The following RPRD2 variants were observed in gnomAD, a reference collection of about 807,000 sequenced individuals.
RPRD2 encodes the protein regulation of nuclear pre-mRNA domain containing 2.
Under a neutral mutation model 104.4 loss-of-function variants are expected in RPRD2, and 12 were observed. The ratio of observed to expected loss-of-function variants is 0.11; its 90% CI spans 0.07 to 0.19. RPRD2 has a LOEUF of 0.19. Among genes scored for constraint, RPRD2 ranks in the 10% least tolerant of loss-of-function variants. The pLI, the probability that RPRD2 is intolerant of heterozygous loss-of-function variation, is 1.00. For synonymous variants in RPRD2, 714 were observed against 684.9 expected, an observed-to-expected ratio of 1.04 and a Z score of -0.66; for missense variants, 1,543 against 1,790.1, an observed-to-expected ratio of 0.86 and a Z score of 2.49.
chr1:150,405,722 GA>G (rs1553886352), intron 1 of RPRD2, among the ~76,000 whole-genome samples: 2 of 152,104 alleles, frequency 1.3e-5, no homozygotes, highest in Non-Finnish European at 2.9e-5. Context: ...GAAAATTGTA[GA>G]AATAAACAGT....
chr1:150,401,727 G>A (rs1383241045), intron 1 of RPRD2, among the ~76,000 whole-genome samples: 28 of 131,444 alleles, frequency 2.1e-4, no homozygotes, highest in Non-Finnish European at 3.9e-4. Context: ...CACTGCAAAC[G>A]CCGCCTCCTG....
In RPRD2 at chr1:150,390,609, A is replaced by G. The variant is rs192796526; in HGVS notation, c.205+25690A>G. ...TCTTAGACAGTTATGCAAATTTGAA[A>G]AAGAACCAAAGAGAAATGTTAGAAA... is the stretch of plus-strand genomic sequence containing the variant. On this transcript the variant is annotated intron_variant, in intron 1 of 10. Transcript: ENST00000369068. 1.6e-3 allele frequency among the ~76,000 whole-genome samples: 251 copies of G among 152,346 alleles called. 1 individual carries two copies. The highest frequency in any genetic ancestry group is 0.014 in the Middle Eastern group (4 of 294).
chr1:150,435,087 T>G (rs1553892837), intron 2 of RPRD2, among the ~76,000 whole-genome samples: 3 of 152,218 alleles, frequency 2.0e-5, no homozygotes, highest in Non-Finnish European at 4.4e-5. Flanking sequence ...TTTCAAATTT[T>G]TATTGTATCT....
intron 2 of RPRD2, among the ~76,000 whole-genome samples, chr1:150,426,117 A>C (rs1239097402): frequency 6.6e-6 from 1 of 152,098 alleles, no homozygotes; most frequent in Non-Finnish European, 1.5e-5. Context: ...ACAAACAAAC[A>C]AAAAAAGGGA....
chr1:150,472,828 C>A lies in RPRD2; in HGVS notation c.3880C>A (p.Pro1294Thr). Reference protein sequence around the residue: ...GSGVPFSTPPPPPPPVDHSGV... With the variant: ...GSGVPFSTPPTPPPPVDHSGV... ...TGGTGTCCCCTTTTCTACTCCACCC[C>A]CTCCTCCACCCCCTGTTGACCACTC... is the stretch of plus-strand genomic sequence containing the variant. Residue 1294 changes from proline to threonine, a missense_variant, in exon 11 of 11, where the codon CCT (proline) becomes ACT (threonine). Physicochemically the swap from Pro to Thr is conservative, Grantham distance 38. This residue lies in a region of RPRD2 where 880 missense variants were observed against 885.6 expected (regional missense o/e 0.99). Transcript: ENST00000369068. The A allele has an allele frequency of 6.2e-7, 1 of 1,609,618 alleles. No homozygotes were observed. Among genetic ancestry groups the A allele is most frequent in the South Asian group, 1.1e-5 (1 of 90,706 alleles).
intron 1 of RPRD2, among the ~76,000 whole-genome samples, chr1:150,390,977 A>G (rs1553883045): frequency 6.6e-6 from 1 of 152,208 alleles, no homozygotes; most frequent in Non-Finnish European, 1.5e-5. Flanking sequence ...AAGAATATCA[A>G]AGTCAAAGAG....
In RPRD2 at chr1:150,431,473, A is replaced by ATTTTTTTTTTTTTTTTTTTTTTTTTTTTT. The variant is rs1160491386; in HGVS notation, c.336-9426_336-9425insTTTTTTTTTTTTTTTTTTTTTTTTTTTTT. 7.2e-4 allele frequency among the ~76,000 whole-genome samples: 57 copies of ATTTTTTTTTTTTTTTTTTTTTTTTTTTTT among 78,818 alleles called. 6 individuals are homozygous for ATTTTTTTTTTTTTTTTTTTTTTTTTTTTT. The highest frequency in any genetic ancestry group is 1.6e-3 in the East Asian group (3 of 1,914). The allele number at this position is 78,818 out of a possible 152,430, so 51.7% of individuals were successfully genotyped here. A position where few individuals can be genotyped will look rare whatever the true frequency, so the allele number is the denominator to read the frequency against. ...TATTATTCAGTCTTAAAAAGGAAGGATTTTTTTTTTTTTTTTTTTTTTTTG... is the reference window on the plus strand; with the variant it reads ...TATTATTCAGTCTTAAAAAGGAAGGATTTTTTTTTTTTTTTTTTTTTTTTTTTTTTTTTTTTTTTTTTTTTTTTTTTTTG... On this transcript the variant is annotated intron_variant, in intron 2 of 10. Transcript: ENST00000369068.
At chr1:150,446,511 G>T in intron 7 of RPRD2, 110 bp downstream of exon 7, 1 of 966,158 alleles carries the variant, frequency 1.0e-6, no homozygotes. Context: ...TCTCCTTATC[G>T]CAGATGAAAT....
Position 150,464,397 on chromosome 1 carries a change from A to G in RPRD2, c.1412-130A>G, listed in dbSNP as rs80349908. ...TTTTTTTTGTACATGTCATGTTATG[A>G]TGGACCATTTGTGGATCAACCACAG... On this transcript the variant is annotated intron_variant, in intron 9 of 10. Coordinates refer to ENST00000369068, the MANE Select transcript of RPRD2 (RefSeq NM_015203.5). 5.2e-3 allele frequency: 2,784 copies of G among 537,256 alleles called. 71 individuals are homozygous for G. In the African/African-American group the frequency reaches 0.054, roughly 10 times the overall value. The allele number at this position is 537,256 out of a possible 1,614,324, so 33.3% of individuals were successfully genotyped here. A position where few individuals can be genotyped will look rare whatever the true frequency, so the allele number is the denominator to read the frequency against.
Position 150,464,637 on chromosome 1 carries a change from G to T in RPRD2, c.1522G>T (p.Ala508Ser), listed in dbSNP as rs1553899527. The change falls in exon 10 of 11, where the codon GCA becomes TCA. Residue 508 changes from alanine to serine, a missense_variant. Physicochemically the swap from Ala to Ser is moderately conservative, Grantham distance 99. Coordinates refer to ENST00000369068, the MANE Select transcript of RPRD2 (RefSeq NM_015203.5). ...PATTTSHNPL[A>S]NILSKVEITP... is the part of the protein sequence containing the mutation. ...CACGACAACATCTCACAACCCTCTG[G>T]CAAATATCCTCTCCAAGGTGGAGAT... 6.2e-7 allele frequency: 1 copy of T among 1,612,302 alleles called. No homozygotes were observed. The highest frequency in any genetic ancestry group is 8.5e-7 in the Non-Finnish European group (1 of 1,179,322).
chr1:150,407,485 G>A (rs1295480338), intron 1 of RPRD2, among the ~76,000 whole-genome samples: 1 of 152,136 alleles, frequency 6.6e-6, no homozygotes, highest in Non-Finnish European at 1.5e-5. Flanking sequence ...TAGGCTAGTT[G>A]CGTCTTAGCT....
intron 2 of RPRD2, among the ~76,000 whole-genome samples, chr1:150,436,157 T>C (rs1553893032): frequency 6.6e-6 from 1 of 152,144 alleles, no homozygotes; most frequent in East Asian, 1.9e-4. Context: ...ACAGATTCTT[T>C]ACAAAATATT....
intron 1 of RPRD2, among the ~76,000 whole-genome samples, chr1:150,394,864 A>T (rs1169113250): frequency 2.6e-5 from 4 of 152,214 alleles, no homozygotes; most frequent in African/African-American, 9.6e-5. Flanking sequence ...TACAGGCGTG[A>T]GCCACAGCGC....
chr1:150,452,661 C>CCTTTTTTTTTTTTTTTTTTTTTTTTT lies in RPRD2; in HGVS notation c.871-4627_871-4626insCTTTTTTTTTTTTTTTTTTTTTTTTT, dbSNP rs1553896876. Among the ~76,000 whole-genome samples, 4 of 71,220 alleles carry CCTTTTTTTTTTTTTTTTTTTTTTTTT rather than the reference C, an allele frequency of 5.6e-5. 2 individuals are homozygous for CCTTTTTTTTTTTTTTTTTTTTTTTTT. Among genetic ancestry groups the CCTTTTTTTTTTTTTTTTTTTTTTTTT allele is most frequent in the African/African-American group, 1.1e-4 (2 of 17,432 alleles). The allele number at this position is 71,220 out of a possible 152,430, so 46.7% of individuals were successfully genotyped here. A position where few individuals can be genotyped will look rare whatever the true frequency, so the allele number is the denominator to read the frequency against. ...TTTCTGTGTTCTTTTGACATATCCC[C>CCTTTTTTTTTTTTTTTTTTTTTTTTT]TTTTTTTTTTTTTTTTTTTTTTTTT... On this transcript the variant is annotated intron_variant, in intron 7 of 10. Transcript: ENST00000369068.
Position 150,443,254 on chromosome 1 carries a change from C to A in RPRD2, c.538C>A (p.Leu180Ile). The A allele has an allele frequency of 6.3e-7, 1 of 1,577,636 alleles. No homozygotes were observed. Among genetic ancestry groups the A allele is most frequent in the South Asian group, 1.2e-5 (1 of 86,136 alleles). Residue 180 changes from leucine to isoleucine, a missense_variant, in exon 5 of 11, where the codon CTC (leucine) becomes ATC (isoleucine). Leu to Ile is a conservative substitution (Grantham distance 5). Around this residue, in one of 4 missense-constraint regions of RPRD2, gnomAD observed 572 missense variants for 787.3 expected, o/e 0.73. Coordinates refer to ENST00000369068, the MANE Select transcript of RPRD2 (RefSeq NM_015203.5). ...SQTSTNPKAALKSKIVAEFRS... is the reference protein window; with the variant it reads ...SQTSTNPKAAIKSKIVAEFRS... The stretch of plus-strand genomic sequence containing the variant: ...AGCATCTACAAATCCAAAAGCTGCT[C>A]TCAAGTCTAAGATAGTTGCTGAATT...
intron 1 of RPRD2, among the ~76,000 whole-genome samples, chr1:150,417,028 T>C (rs1020004507): frequency 1.3e-5 from 2 of 152,164 alleles, no homozygotes; most frequent in Non-Finnish European, 2.9e-5. Context: ...ATCTGAGTAG[T>C]ATCTGGATTG....
intron 1 of RPRD2, among the ~76,000 whole-genome samples, chr1:150,392,827 G>A (rs977096237): frequency 1.3e-5 from 2 of 152,042 alleles, no homozygotes; most frequent in Non-Finnish European, 2.9e-5. Context: ...GGGCAGTAGA[G>A]CAAGACCCTG....
At chr1:150,449,558 C>T (rs587711804) in intron 7 of RPRD2, among the ~76,000 whole-genome samples, 2 of 151,938 alleles carry the variant, frequency 1.3e-5, no homozygotes, top group African/African-American at 4.8e-5. Context: ...CATCCCTCTT[C>T]CTCCCTCCTT....
At chr1:150,367,184 G>A (rs782734989) in intron 1 of RPRD2, among the ~76,000 whole-genome samples, 20 of 152,146 alleles carry the variant, frequency 1.3e-4, no homozygotes, top group Admixed American at 1.1e-3. Flanking sequence ...AAATGATTAA[G>A]GGTAATTTTA....
Sources: gnomAD v4.1 joint callset for allele counts (sites outside exome capture counted in the v4.1 genomes callset) on GRCh38, gnomAD v4.1.1 for gene constraint, gnomAD v4.1.1 regional missense constraint, MANE v1.5 for transcripts, NCBI Gene and HGNC (gene_info 2026-07-23, HGNC 2026-07-21) for gene names.